Variants in ARHGEF10 observed in about 807,000 individuals in gnomAD.
The protein encoded by ARHGEF10 is Rho guanine nucleotide exchange factor 10, also known as Rho guanine nucleotide exchange factor (GEF) 10.
ARHGEF10 carries 140 observed loss-of-function variants against 147.4 expected under a neutral mutation model. That is an observed-to-expected ratio of 0.95 (90% CI 0.83 to 1.09). The LOEUF is 1.09. Ranked by LOEUF, ARHGEF10 falls within the 50% of genes least tolerant of loss-of-function variation. The probability of loss-of-function intolerance (pLI) is 0.00; values close to 1 mark genes in which losing one functional copy is unlikely to be tolerated. For missense variants in ARHGEF10, 2,222 were observed against 1,752.7 expected (o/e 1.27, Z -4.78); for synonymous variants, 902 against 695.8 (o/e 1.30, Z -4.67).
chr8:1,941,007 G>A (rs553109014), intron 26 of ARHGEF10, among the ~76,000 whole-genome samples: 2 of 152,166 alleles, frequency 1.3e-5, no homozygotes, highest in Admixed American at 6.5e-5. Context: ...AACACTCACA[G>A]CTAACATCAT....
chr8:1,883,999 G>A (rs1808433943), intron 10 of ARHGEF10, among the ~76,000 whole-genome samples: 2 of 152,318 alleles, frequency 1.3e-5, no homozygotes, highest in East Asian at 3.9e-4. Context: ...GTGTGGGACA[G>A]TCTGAGAAGC....
chr8:1,866,288 G>A (rs1806604006), intron 5 of ARHGEF10, among the ~76,000 whole-genome samples: 1 of 152,190 alleles, frequency 6.6e-6, no homozygotes, highest in South Asian at 2.1e-4. Context: ...CCCGTGTTCT[G>A]TGCCGTGCGT....
chr8:1,891,311 T>C (rs1809507316), intron 11 of ARHGEF10, among the ~76,000 whole-genome samples: 1 of 152,234 alleles, frequency 6.6e-6, no homozygotes, highest in Non-Finnish European at 1.5e-5. Flanking sequence ...ATGGGGGGTA[T>C]TGATGCTCTT....
chr8:1,845,557 C>A (rs545084970), intron 2 of ARHGEF10, among the ~76,000 whole-genome samples: 2 of 152,220 alleles, frequency 1.3e-5, no homozygotes, highest in Non-Finnish European at 2.9e-5. Flanking sequence ...ACGTAGGACC[C>A]GTTCAGAATC....
At chr8:1,950,596 G>C (rs1259588977) in intron 27 of ARHGEF10, among the ~76,000 whole-genome samples, 1 of 151,774 alleles carries the variant, frequency 6.6e-6, no homozygotes, top group African/African-American at 2.4e-5. Flanking sequence ...GCAGTGGTGC[G>C]ATCTTGGCTC....
chr8:1,903,286 G>A lies in ARHGEF10; in HGVS notation c.1656G>A (p.Met552Ile). 6.2e-7 allele frequency: 1 copy of A among 1,614,112 alleles called. No individual in the cohort carries two copies. The highest frequency in any genetic ancestry group is 8.5e-7 in the Non-Finnish European group (1 of 1,180,036). ...FPQFILLLQD[M>I]LKNTSKGHPD... ...CTCTCCCCTGTTGCTTGTAGGACAT[G>A]CTGAAGAACACCTCCAAAGGCCACC... Residue 552 changes from methionine to isoleucine, a missense_variant, in exon 16 of 29, where the codon ATG (methionine) becomes ATA (isoleucine). Met to Ile is a conservative substitution (Grantham distance 10, BLOSUM62 1). Coordinates refer to ENST00000349830, the MANE Select transcript of ARHGEF10 (RefSeq NM_014629.4).
chr8:1,828,660 A>G (rs1429690896), intron 1 of ARHGEF10, among the ~76,000 whole-genome samples: 1 of 147,448 alleles, frequency 6.8e-6, no homozygotes, highest in Non-Finnish European at 1.5e-5. Context: ...TTACATTTTG[A>G]TAAACCGTGG....
intron 28 of ARHGEF10, among the ~76,000 whole-genome samples, chr8:1,955,583 T>C (rs1363127442): frequency 6.6e-6 from 1 of 151,478 alleles, no homozygotes; most frequent in East Asian, 1.9e-4. Flanking sequence ...AGGTGCATCC[T>C]GAAAGGAGGT....
At chr8:1,924,984 C>T (rs1179313281) in intron 21 of ARHGEF10, among the ~76,000 whole-genome samples, 2 of 152,130 alleles carry the variant, frequency 1.3e-5, no homozygotes, top group African/African-American at 4.8e-5. Flanking sequence ...GGAAGTGGAC[C>T]TATGTGGTTT....
intron 1 of ARHGEF10, among the ~76,000 whole-genome samples, chr8:1,825,479 C>T (rs1453974591): frequency 7.1e-6 from 1 of 140,048 alleles, no homozygotes; most frequent in Non-Finnish European, 1.6e-5. Context: ...CCCCAGCTGT[C>T]CCTCGCACCC....
Position 1,839,711 on chromosome 8 carries a change from T to C in ARHGEF10, c.-47-3642T>C, listed in dbSNP as rs375336836. Among the ~76,000 whole-genome samples, 840 of 122,720 alleles carry C rather than the reference T, an allele frequency of 6.8e-3. 1 individual carries two copies. Among genetic ancestry groups the C allele is most frequent in the African/African-American group, 0.015 (441 of 28,776 alleles). The allele number at this position is 122,720 out of a possible 152,430, so 80.5% of individuals were successfully genotyped here. ...GGGACTGTCCGGTGTGGGGACTGTC[T>C]GGTGTGGGGACTGTCCGGTGTGGAA... On this transcript the variant is annotated intron_variant, in intron 1 of 28. Coordinates refer to ENST00000349830, the MANE Select transcript of ARHGEF10 (RefSeq NM_014629.4).
At chr8:1,931,833 A>C (rs1201742003) in intron 25 of ARHGEF10, among the ~76,000 whole-genome samples, 1 of 152,196 alleles carries the variant, frequency 6.6e-6, no homozygotes, top group Non-Finnish European at 1.5e-5. Context: ...GGCCTGGGAC[A>C]CATACACAGG....
In ARHGEF10 at chr8:1,949,017, CATGT is replaced by C. The variant is rs756063045; in HGVS notation, c.3397+3363_3397+3366del. Among the ~76,000 whole-genome samples, 86 of 102,934 alleles carry C rather than the reference CATGT, an allele frequency of 8.4e-4. 1 individual carries two copies. Among genetic ancestry groups the C allele is most frequent in the African/African-American group, 2.5e-3 (68 of 27,546 alleles). The allele number at this position is 102,934 out of a possible 152,430, so 67.5% of individuals were successfully genotyped here. ...TCATGACGATGCTCAAATGGGTTTT[CATGT>C]GTGTGTGTGTGTGTGTGTGTGGCAA... is the stretch of plus-strand genomic sequence containing the variant. On this transcript the variant is annotated intron_variant, in intron 27 of 28. Coordinates refer to ENST00000349830, the MANE Select transcript of ARHGEF10 (RefSeq NM_014629.4).
rs192237731 is a variant in ARHGEF10 at position 1,887,186 on chromosome 8, C to A, written c.1182+1479C>A. On this transcript the variant is annotated intron_variant, in intron 11 of 28. Transcript: ENST00000349830. The stretch of plus-strand genomic sequence containing the variant: ...TTGGATCCTGCACTCTGAGAACTTA[C>A]TGTAGCGATGAAGCCGAAAACCAAA... Among the ~76,000 whole-genome samples the A allele has an allele frequency of 3.9e-5, 6 of 152,304 alleles. No homozygotes were observed. In the East Asian group the frequency reaches 1.2e-3, roughly 29 times the overall value.
rs192749135 is a variant in ARHGEF10 at position 1,897,231 on chromosome 8, C to T, written c.1557+782C>T. 3.9e-5 allele frequency among the ~76,000 whole-genome samples: 6 copies of T among 152,364 alleles called. No homozygotes were observed. The South Asian group carries it at 8.3e-4, about 21-fold the overall frequency. ...GGGCAAGTATTCTCGCCCACAGCAA[C>T]GTGTCATTGAAGCTGGAATTTTTTC... is the stretch of plus-strand genomic sequence containing the variant. On this transcript the variant is annotated intron_variant, in intron 14 of 28. Transcript: ENST00000349830.
At chr8:1,899,285 A>G (rs993011379) in intron 15 of ARHGEF10, among the ~76,000 whole-genome samples, 4 of 152,222 alleles carry the variant, frequency 2.6e-5, no homozygotes, top group Non-Finnish European at 2.9e-5. Context: ...AATGAATGCC[A>G]TGCCTCCAGG....
intron 25 of ARHGEF10, among the ~76,000 whole-genome samples, chr8:1,930,552 G>A (rs1813045996): frequency 7.0e-6 from 1 of 143,022 alleles, no homozygotes; most frequent in African/African-American, 2.6e-5. Context: ...TAGAATTCCA[G>A]TCCTCCAGTC....
intron 26 of ARHGEF10, among the ~76,000 whole-genome samples, chr8:1,935,854 G>A (rs1009336286): frequency 1.3e-5 from 2 of 152,228 alleles, no homozygotes; most frequent in African/African-American, 4.8e-5. Context: ...TCTCCTTGTG[G>A]GTGTTCCTAA....
At chr8:1,850,103 G>T (rs1398800147) in intron 2 of ARHGEF10, among the ~76,000 whole-genome samples, 39 of 124,166 alleles carry the variant, frequency 3.1e-4, no homozygotes, top group Middle Eastern at 5.0e-3. Flanking sequence ...AGGAGGGCGT[G>T]GGCCGGCTGC....
Sources: allele counts gnomAD v4.1 joint callset (sites outside exome capture counted in the v4.1 genomes callset), GRCh38; gene constraint gnomAD v4.1.1; transcripts MANE v1.5; gene names NCBI Gene and HGNC (gene_info 2026-07-23, HGNC 2026-07-21).